The following CTBS variants were observed in gnomAD, a reference collection of about 807,000 sequenced individuals.
CTBS encodes the protein chitobiase.
CTBS carries 35 observed loss-of-function variants against 44.3 expected under a neutral mutation model. The ratio of observed to expected loss-of-function variants is 0.79; its 90% CI spans 0.60 to 1.05. The LOEUF is 1.05. Among genes scored for constraint, CTBS ranks in the 50% least tolerant of loss-of-function variants. The pLI is 0.00. For missense variants in CTBS, 458 were observed against 475.3 expected (o/e 0.96, Z 0.34); for synonymous variants, 143 against 168.0 (o/e 0.85, Z 1.15).
At position 84,565,956 on chromosome 1, in the gene CTBS, A is replaced by G; in HGVS notation, c.582T>C (p.Tyr194=). The change falls in exon 4 of 7, where the codon TAT becomes TAC. Residue 194 remains tyrosine (Y), a synonymous_variant. Coordinates refer to ENST00000370630, the MANE Select transcript of CTBS (RefSeq NM_004388.3). ...AGTCACAAGCATCTGCGATTCCAGTATAATTATAGCATCTTCTGTCTATGT... is the reference window on the plus strand; with the variant it reads ...AGTCACAAGCATCTGCGATTCCAGTGTAATTATAGCATCTTCTGTCTATGT... The part of the protein sequence containing the change: ...PKNIDRRCYN[Y]TGIADACDFL... 2 of 1,596,956 alleles carry G rather than the reference A, an allele frequency of 1.3e-6. No homozygotes were observed. The highest frequency in any genetic ancestry group is 1.7e-6 in the Non-Finnish European group (2 of 1,172,470).
At position 84,554,071 on chromosome 1, in the gene CTBS, G is replaced by GT. The variant is rs1684355742; in HGVS notation, c.*927dup. The GT allele has an allele frequency of 6.6e-6, 1 of 152,112 alleles. No individual in the cohort carries two copies. Among genetic ancestry groups the GT allele is most frequent in the Non-Finnish European group, 1.5e-5 (1 of 68,042 alleles). The allele number at this position is 152,112 out of a possible 1,614,324, so 9.4% of individuals were successfully genotyped here. On this transcript the variant is annotated 3_prime_UTR_variant, in exon 7 of 7. Transcript: ENST00000370630. The stretch of plus-strand genomic sequence containing the variant: ...GCAGGAGGAGTGCTTGAGCCCAGGA[G>GT]TTGGAGACCCATCTGGACAACATAG...
intron 3 of CTBS, among the ~76,000 whole-genome samples, chr1:84,568,755 G>A (rs993606850): frequency 1.3e-5 from 2 of 152,116 alleles, no homozygotes; most frequent in African/African-American, 4.8e-5. Context: ...TCGTGATAGA[G>A]TTCTCACAAG....
At chr1:84,564,660 A>T (rs1684657937) in intron 4 of CTBS, among the ~76,000 whole-genome samples, 1 of 152,206 alleles carries the variant, frequency 6.6e-6, no homozygotes, top group African/African-American at 2.4e-5. Context: ...TTGATAGAAC[A>T]TAATTATAAT....
intron 3 of CTBS, among the ~76,000 whole-genome samples, chr1:84,566,710 G>T (rs1414933324): frequency 1.3e-5 from 2 of 152,170 alleles, no homozygotes; most frequent in African/African-American, 4.8e-5. Context: ...TCAGCTCACT[G>T]CAACCTCTGC....
At chr1:84,557,149 G>A (rs551175808) in intron 6 of CTBS, among the ~76,000 whole-genome samples, 1 of 152,312 alleles carries the variant, frequency 6.6e-6, no homozygotes. Context: ...AGTCCAAGAT[G>A]AGCTGCTATT....
At chr1:84,574,124 G>C in intron 1 of CTBS, 115 bp downstream of exon 1, 1 of 1,511,292 alleles carries the variant, frequency 6.6e-7, no homozygotes, top group Non-Finnish European at 8.9e-7. Context: ...GGCCCTCATC[G>C]AGTGGTCAAA....
chr1:84,563,256 C>T lies in CTBS; in HGVS notation c.957+1G>A. 6.7e-7 allele frequency: 1 copy of T among 1,497,996 alleles called. No homozygotes were observed. Among genetic ancestry groups the T allele is most frequent in the Non-Finnish European group, 8.9e-7 (1 of 1,122,096 alleles). The allele number at this position is 1,497,996 out of a possible 1,614,324, so 92.8% of individuals were successfully genotyped here. A position where few individuals can be genotyped will look rare whatever the true frequency, so the allele number is the denominator to read the frequency against. On this transcript the variant is annotated splice_donor_variant, in intron 6 of 6. Transcript: ENST00000370630. LOFTEE classifies it high-confidence loss of function. ...TGCTCATAACTTACGAAAAGTCTTA[C>T]TTTATAGTTATAATAAGGAGCCCGC...
chr1:84,559,874 C>T (rs1245155217), intron 6 of CTBS, among the ~76,000 whole-genome samples: 1 of 151,902 alleles, frequency 6.6e-6, no homozygotes. Flanking sequence ...CACTTGAGGT[C>T]AGGAGTTTGA....
intron 1 of CTBS, among the ~76,000 whole-genome samples, chr1:84,572,437 T>TAA (rs563827329): frequency 1.1e-4 from 15 of 141,190 alleles, no homozygotes; most frequent in Non-Finnish European, 1.7e-4. Flanking sequence ...CAGATATCCT[T>TAA]AAAAAAAAAA....
chr1:84,569,806 G>T, intron 3 of CTBS, 125 bp downstream of exon 3: 1 of 917,170 alleles, frequency 1.1e-6, no homozygotes, highest in East Asian at 2.7e-5. Flanking sequence ...AAATTTTTTA[G>T]GAAATAAGTG....
chr1:84,560,525 T>A (rs1684573428), intron 6 of CTBS, among the ~76,000 whole-genome samples: 1 of 152,210 alleles, frequency 6.6e-6, no homozygotes, highest in Admixed American at 6.5e-5. Context: ...TTCTGAAACC[T>A]CCCATGTCGG....
rs746536674 is a variant in CTBS at position 84,552,662 on chromosome 1, G to GT, written c.*2336dup. 37 of 163,124 alleles carry GT rather than the reference G, an allele frequency of 2.3e-4. No homozygotes were observed. Among genetic ancestry groups the GT allele is most frequent in the East Asian group, 7.3e-4 (4 of 5,496 alleles). 10.1% of individuals were successfully genotyped at this position (163,124 alleles called of 1,614,324 possible). ...CGTTCCTAAGGGCTAGGAATTAAGG[G>GT]TTTTTTTTGTATTTTGTTTTCTTGT... On this transcript the variant is annotated 3_prime_UTR_variant, in exon 7 of 7. Transcript: ENST00000370630.
At chr1:84,569,899 A>G in intron 3 of CTBS, 32 bp downstream of exon 3, 8 of 1,539,904 alleles carry the variant, frequency 5.2e-6, no homozygotes, top group Non-Finnish European at 6.3e-6. Flanking sequence ...TATGGAAAAT[A>G]TGAGGTTTCC....
intron 6 of CTBS, among the ~76,000 whole-genome samples, chr1:84,560,565 G>C (rs962130553): frequency 1.3e-5 from 2 of 152,182 alleles, no homozygotes; most frequent in Non-Finnish European, 2.9e-5. Context: ...CATTTTAAAA[G>C]GCAGAGACCC....
chr1:84,573,323 T>G (rs1420065664), intron 1 of CTBS, among the ~76,000 whole-genome samples: 1 of 152,258 alleles, frequency 6.6e-6, no homozygotes, highest in Non-Finnish European at 1.5e-5. Context: ...GAACCCCTTC[T>G]GGTTTAAGTA....
chr1:84,570,730 C>A lies in CTBS; in HGVS notation c.178-10G>T. 6.2e-7 allele frequency: 1 copy of A among 1,610,084 alleles called. No homozygotes were observed. The highest frequency in any genetic ancestry group is 2.2e-5 in the East Asian group (1 of 44,822). ...CATCAAACACAAAGACCTGCCAGAA[C>A]AAAGATGAGCACCATCATTTAAACC... On this transcript the variant is annotated splice_polypyrimidine_tract_variant and intron_variant, in intron 1 of 6. Transcript: ENST00000370630.
chr1:84,570,328 A>G (rs1647267049), intron 2 of CTBS, among the ~76,000 whole-genome samples, 189 bp from the exon 3 acceptor site: 1 of 152,240 alleles, frequency 6.6e-6, no homozygotes. Flanking sequence ...TAGAAACAGA[A>G]ATTGTGGACT....
chr1:84,574,329 CGCCAGCAG>C lies in CTBS; in HGVS notation c.79_86del (p.Leu27AlafsTer18), dbSNP rs1647405343. ...CGGCCGCGAGCCGCAGCGCCAGCAG[CGCCAGCAG>C]CGCCAGCAGCGCTAGACCCGGGACG... is the stretch of plus-strand genomic sequence containing the variant. On this transcript the variant is annotated frameshift_variant, in exon 1 of 7. Transcript: ENST00000370630. LOFTEE classifies it high-confidence loss of function. The C allele has an allele frequency of 6.4e-7, 1 of 1,565,780 alleles. No homozygotes were observed. Among genetic ancestry groups the C allele is most frequent in the Non-Finnish European group, 8.7e-7 (1 of 1,155,784 alleles).
Position 84,569,937 on chromosome 1 carries a change from T to C in CTBS, c.519A>G (p.Gly173=), listed in dbSNP as rs1212744703. The part of the protein sequence containing the change: ...TTDSFHREIE[G]SQVTFDVAWS... Reference sequence around the variant, plus strand: ...AAAATAAATGAGTTTTTACCTGTGATCCCTCAATTTCACGATGGAAAGAGT... The same window carrying C: ...AAAATAAATGAGTTTTTACCTGTGACCCCTCAATTTCACGATGGAAAGAGT... The change falls in exon 3 of 7, where the codon GGA becomes GGG. Residue 173 remains glycine (G), a synonymous_variant. Coordinates refer to ENST00000370630, the MANE Select transcript of CTBS (RefSeq NM_004388.3). 1 of 1,609,604 alleles carries C rather than the reference T, an allele frequency of 6.2e-7. No individual in the cohort carries two copies. Among genetic ancestry groups the C allele is most frequent in the Non-Finnish European group, 8.5e-7 (1 of 1,179,138 alleles).
Sources: allele counts gnomAD v4.1 joint callset (sites outside exome capture counted in the v4.1 genomes callset), GRCh38; gene constraint gnomAD v4.1.1; transcripts MANE v1.5; gene names NCBI Gene and HGNC (gene_info 2026-07-23, HGNC 2026-07-21).